The following SZT2 variants were observed in gnomAD, a reference collection of about 807,000 sequenced individuals.
The protein encoded by SZT2 is KICSTOR complex protein SZT2.
A neutral mutation model predicts 404.2 loss-of-function variants in SZT2; 216 were observed. The ratio of observed to expected loss-of-function variants is 0.53; its 90% CI spans 0.48 to 0.60. SZT2 has a LOEUF of 0.60. Among genes scored for constraint, SZT2 ranks in the 20% least tolerant of loss-of-function variants. The pLI is 0.00. For synonymous variants in SZT2, 1,693 were observed against 1,749.9 expected, an observed-to-expected ratio of 0.97 and a Z score of 0.81; for missense variants, 3,857 against 4,459.2, an observed-to-expected ratio of 0.86 and a Z score of 3.85.
Position 43,428,088 on chromosome 1 carries a change from C to T in SZT2, c.3889C>T (p.Gln1297Ter). 6.2e-7 allele frequency: 1 copy of T among 1,614,160 alleles called. No homozygotes were observed. The highest frequency in any genetic ancestry group is 8.5e-7 in the Non-Finnish European group (1 of 1,180,014). The change falls in exon 27 of 72, where the codon CAG becomes TAG. Residue 1297 changes from glutamine to a stop codon, truncating the protein, a stop_gained. Coordinates refer to ENST00000634258, the MANE Select transcript of SZT2 (RefSeq NM_001365999.1). LOFTEE classifies it high-confidence loss of function. The stretch of plus-strand genomic sequence containing the variant: ...GGCAGCTAACCACTGTGCCCTGCTG[C>T]AGGAGCATGCACAGCGGTGCTATGT... ...KEAANHCALLQEHAQRCYVRG... is the reference protein window; with the variant it reads ...KEAANHCALL
In SZT2 at chr1:43,404,641, C is replaced by T. The variant is rs551147929; in HGVS notation, c.498+91C>T. 3.1e-5 allele frequency: 43 copies of T among 1,393,178 alleles called. No individual in the cohort carries two copies. In the African/African-American group the frequency reaches 5.8e-4, roughly 19 times the overall value. 86.3% of individuals were successfully genotyped at this position (1,393,178 alleles called of 1,614,324 possible). ...CTTATCCTGTCTCTGCTGTTTGTCCCCAAAGTCCCGAGCTCTGCTGGCTTC... is the reference window on the plus strand; with the variant it reads ...CTTATCCTGTCTCTGCTGTTTGTCCTCAAAGTCCCGAGCTCTGCTGGCTTC... On this transcript the variant is annotated intron_variant, in intron 4 of 71. Coordinates refer to ENST00000634258, the MANE Select transcript of SZT2 (RefSeq NM_001365999.1).
In SZT2 at chr1:43,428,009, G is replaced by A. The variant is rs1323463488; in HGVS notation, c.3810G>A (p.Gln1270=). The change falls in exon 27 of 72, where the codon CAG becomes CAA. Residue 1270 remains glutamine, a synonymous_variant. Coordinates refer to ENST00000634258, the MANE Select transcript of SZT2 (RefSeq NM_001365999.1). ...TTTTCCCTTCGTTTCCTAGGACTCAGTTCCTCGACCACCCCTCCCCATCCT... is the reference window on the plus strand; with the variant it reads ...TTTTCCCTTCGTTTCCTAGGACTCAATTCCTCGACCACCCCTCCCCATCCT... ...QAPRDLIFRT[Q]FLDHPSPSSA... is the part of the protein sequence containing the mutation. 5 of 1,613,832 alleles carry A rather than the reference G, an allele frequency of 3.1e-6. No homozygotes were observed. In the African/African-American group the frequency reaches 5.3e-5, roughly 17 times the overall value.
At chr1:43,428,678 C>G in intron 28 of SZT2, 192 bp downstream of exon 28, 4 of 678,786 alleles carry the variant, frequency 5.9e-6, no homozygotes, top group Non-Finnish European at 9.7e-6. Context: ...CAGTCTCCCT[C>G]CCAGGCTCTC....
Position 43,424,269 on chromosome 1 carries a change from C to G in SZT2, c.2308C>G (p.Pro770Ala). 1.3e-6 allele frequency: 2 copies of G among 1,597,980 alleles called. No homozygotes were observed. Among genetic ancestry groups the G allele is most frequent in the East Asian group, 4.5e-5 (2 of 44,884 alleles). The change falls in exon 16 of 72, where the codon CCA becomes GCA. Residue 770 changes from proline to alanine, a missense_variant. Pro to Ala is a conservative substitution (Grantham distance 27). Coordinates refer to ENST00000634258, the MANE Select transcript of SZT2 (RefSeq NM_001365999.1). This position sits in a 1 kb window ranked among gnomAD's most constrained non-coding sequence, Gnocchi z 4.1. ...GGCACCCTTCTTGCTGACATTGGAG[C>G]CACCAGGTCCACTGCCCTTGGTGTC... ...YRAPFLLTLE[P>A]PGPLPLVSGR... is the part of the protein sequence containing the mutation.
rs1219555045 is a variant in SZT2, at chr1:43,423,196, G to A, written c.2135G>A (p.Gly712Glu). The stretch of plus-strand genomic sequence containing the variant: ...CCCAAGGTGAAACGAAAAGGGCTAG[G>A]GGGTGCTGGTGGGGGCAGCTCTCCC... ...PTPKVKRKGL[G>E]GAGGGSSPSK... The change falls in exon 15 of 72, where the codon GGG (glycine) becomes GAG (glutamate). Residue 712 changes from glycine (G) to glutamate (E), a missense_variant. Gly to Glu is a moderately conservative substitution (Grantham distance 98). Around this residue, in one of 7 missense-constraint regions of SZT2, gnomAD observed 1,725 missense variants for 1,881.0 expected, o/e 0.92. Transcript: ENST00000634258. 1.9e-6 allele frequency: 3 copies of A among 1,597,790 alleles called. No homozygotes were observed. The highest frequency in any genetic ancestry group is 2.2e-5 in the East Asian group (1 of 44,876).
rs1404098370 is a variant in SZT2 at position 43,425,169 on chromosome 1, C to T, written c.2607C>T (p.Tyr869=). Reference sequence around the variant, plus strand: ...AGAAGCACACCTGTGTTGTCCAGTACATCCTCTTCCCCCCACACTCTACCT... The same window carrying T: ...AGAAGCACACCTGTGTTGTCCAGTATATCCTCTTCCCCCCACACTCTACCT... The part of the protein sequence containing the change: ...AEEKHTCVVQ[Y]ILFPPHSTST... The change falls in exon 18 of 72, where the codon TAC becomes TAT. Residue 869 remains tyrosine, a synonymous_variant. Coordinates refer to ENST00000634258, the MANE Select transcript of SZT2 (RefSeq NM_001365999.1). This position sits in a 1 kb window ranked among gnomAD's most constrained non-coding sequence, Gnocchi z 4.3. 1 of 1,614,212 alleles carries T rather than the reference C, an allele frequency of 6.2e-7. No individual in the cohort carries two copies. The highest frequency in any genetic ancestry group is 2.2e-5 in the East Asian group (1 of 44,882).
intron 67 of SZT2, 63 bp downstream of exon 67, chr1:43,447,761 G>T: frequency 6.2e-7 from 1 of 1,610,904 alleles, no homozygotes; most frequent in Non-Finnish European, 8.5e-7. Flanking sequence ...CATACTTGCA[G>T]TAGGGAGACC....
At chr1:43,406,269 G>GT (rs1019169345) in intron 4 of SZT2, 190 of 326,884 alleles carry the variant, frequency 5.8e-4, no homozygotes, top group East Asian at 9.6e-4. Flanking sequence ...TGTTTTTTTT[G>GT]TTTTTTTTGG....
Position 43,453,761 on chromosome 1 carries a change from G to A in SZT2, c.*3281G>A, listed in dbSNP as rs1282581932. 18 of 1,315,696 alleles carry A rather than the reference G, an allele frequency of 1.4e-5. No individual in the cohort carries two copies. The highest frequency in any genetic ancestry group is 1.7e-5 in the Non-Finnish European group (18 of 1,038,422). 81.5% of individuals were successfully genotyped at this position (1,315,696 alleles called of 1,614,324 possible). On this transcript the variant is annotated 3_prime_UTR_variant, in exon 72 of 72. Transcript: ENST00000634258. ...GGCCGGAGAGCTCGGGGAATAGCCA[G>A]GACAGATTGGCGGAGAAGCGCAGCG...
rs1655869263 is a variant in SZT2, at chr1:43,447,834, A to G, written c.9441-15A>G. On this transcript the variant is annotated splice_polypyrimidine_tract_variant and intron_variant, in intron 67 of 71. Coordinates refer to ENST00000634258, the MANE Select transcript of SZT2 (RefSeq NM_001365999.1). ...GAACCCCAGAGTTGACATCTCCCCA[A>G]CCCGTCCTGCACAGTTCTGGCTCCT... 1.2e-6 allele frequency: 2 copies of G among 1,613,786 alleles called. No individual in the cohort carries two copies. The highest frequency in any genetic ancestry group is 2.2e-5 in the South Asian group (2 of 91,058).
Position 43,430,319 on chromosome 1 carries a change from G to T in SZT2, c.4410G>T (p.Gly1470=), listed in dbSNP as rs767114525. Residue 1470 remains glycine, a synonymous_variant, in exon 31 of 72, where the codon GGG becomes GGT. Transcript: ENST00000634258. ...CPPSSRREDE[G]PRDTVDRKIS... ...TTCATTCTTTTGCCTAGGATGAGGGGCCTCGGGACACAGTAGACAGAAAAA... is the reference window on the plus strand; with the variant it reads ...TTCATTCTTTTGCCTAGGATGAGGGTCCTCGGGACACAGTAGACAGAAAAA... 2 of 1,613,732 alleles carry T rather than the reference G, an allele frequency of 1.2e-6. No homozygotes were observed. Among genetic ancestry groups the T allele is most frequent in the Non-Finnish European group, 1.7e-6 (2 of 1,179,926 alleles).
At position 43,433,056 on chromosome 1, in the gene SZT2, C is replaced by T. The variant is rs1204665018; in HGVS notation, c.5670C>T (p.Pro1890=). The change falls in exon 40 of 72, where the codon CCC becomes CCT. Residue 1890 remains proline, a synonymous_variant. Coordinates refer to ENST00000634258, the MANE Select transcript of SZT2 (RefSeq NM_001365999.1). ...GPNDTLGEKA[P]FTLRTPPGPA... ...ATGACACCCTTGGTGAGAAGGCCCC[C>T]TTCACATTGCGGACTCCACCTGGGC... 1.9e-6 allele frequency: 3 copies of T among 1,614,036 alleles called. No individual in the cohort carries two copies. Among genetic ancestry groups the T allele is most frequent in the Admixed American group, 3.3e-5 (2 of 60,008 alleles).
chr1:43,429,841 C>G lies in SZT2; in HGVS notation c.4305C>G (p.Ile1435Met), dbSNP rs779678060. 1.9e-6 allele frequency: 3 copies of G among 1,614,122 alleles called. No homozygotes were observed. Among genetic ancestry groups the G allele is most frequent in the Non-Finnish European group, 2.5e-6 (3 of 1,180,024 alleles). Residue 1435 changes from isoleucine (I) to methionine (M), a missense_variant, in exon 29 of 72, where the codon ATC becomes ATG. Physicochemically the swap from Ile to Met is conservative, Grantham distance 10. This residue lies in a region of SZT2 where 1,725 missense variants were observed against 1,881.0 expected (regional missense o/e 0.92). Transcript: ENST00000634258. ...CCCATGGTGCCCTTCATAGCGTCAT[C>G]CAGGTGGGAAGCTTGGGTGAGGGTA... ...GEAHGALHSV[I>M]QEKFLEISRL...
In SZT2 at chr1:43,426,050, G is replaced by A. The variant is rs149155606; in HGVS notation, c.2942G>A (p.Gly981Glu). 23 of 1,613,964 alleles carry A rather than the reference G, an allele frequency of 1.4e-5. No homozygotes were observed. Among genetic ancestry groups the A allele is most frequent in the African/African-American group, 4.0e-5 (3 of 74,882 alleles). Residue 981 changes from glycine (G) to glutamate (E), a missense_variant, in exon 21 of 72, where the codon GGA becomes GAA. Physicochemically the swap from Gly to Glu is moderately conservative, Grantham distance 98 (BLOSUM62 -2). Coordinates refer to ENST00000634258, the MANE Select transcript of SZT2 (RefSeq NM_001365999.1). The surrounding 1 kb of genome is among the most constrained non-coding windows in gnomAD (Gnocchi z 4.9). The part of the protein sequence containing the change: ...EPRVSDGLDQ[G>E]GDTCVHEIPF... ...TCCTCCCTCGTAGGATTGGATCAGG[G>A]AGGAGACACCTGCGTCCATGAGATC...
intron 4 of SZT2, among the ~76,000 whole-genome samples, chr1:43,408,345 C>A (rs1056872807): frequency 6.6e-6 from 1 of 152,146 alleles, no homozygotes; most frequent in African/African-American, 2.4e-5. Context: ...CTCAATGTAA[C>A]CTTCAACTTC....
chr1:43,430,707 G>T lies in SZT2; in HGVS notation c.4692G>T (p.Pro1564=), dbSNP rs775766996. 2 of 1,613,686 alleles carry T rather than the reference G, an allele frequency of 1.2e-6. No individual in the cohort carries two copies. Among genetic ancestry groups the T allele is most frequent in the East Asian group, 2.2e-5 (1 of 44,878 alleles). ...AGAGCTTCCTTCATGACCTGCCACC[G>T]CTCTTCCTGCACCTCACGTGCTCCG... The part of the protein sequence containing the change: ...GPESFLHDLP[P]LFLHLTCSVR... Residue 1564 remains proline, a synonymous_variant, in exon 32 of 72, where the codon CCG becomes CCT. Coordinates refer to ENST00000634258, the MANE Select transcript of SZT2 (RefSeq NM_001365999.1).
At chr1:43,422,935 G>C (rs1652589122) in intron 14 of SZT2, 52 bp downstream of exon 14, 14 of 1,519,522 alleles carry the variant, frequency 9.2e-6, no homozygotes, top group Middle Eastern at 3.4e-4. Context: ...GTGTAGGATA[G>C]CTCCCTCTCC....
chr1:43,398,719 T>A (rs1259426549), intron 1 of SZT2, among the ~76,000 whole-genome samples: 1 of 152,194 alleles, frequency 6.6e-6, no homozygotes, highest in East Asian at 1.9e-4. Context: ...GTGTACAATT[T>A]GATGGGACTT....
intron 67 of SZT2, 66 bp from the exon 68 acceptor site, chr1:43,447,783 G>C: frequency 6.2e-7 from 1 of 1,611,044 alleles, no homozygotes; most frequent in Non-Finnish European, 8.5e-7. Flanking sequence ...ATGTTTTCTT[G>C]GGCAGGGGTG....
Sources: gnomAD v4.1 joint callset for allele counts (sites outside exome capture counted in the v4.1 genomes callset) on GRCh38, gnomAD v4.1.1 for gene constraint, gnomAD v4.1.1 regional missense constraint, Gnocchi (gnomAD v3.1) non-coding constraint, MANE v1.5 for transcripts, NCBI Gene and HGNC (gene_info 2026-07-23, HGNC 2026-07-21) for gene names.